Variants in RBM15 observed in about 807,000 individuals in gnomAD.
The protein encoded by RBM15 is RNA-binding protein 15.
In RBM15, 8 loss-of-function variants were observed where a neutral mutation model predicts 62.6. The ratio of observed to expected loss-of-function variants is 0.13; its 90% confidence interval spans 0.07 to 0.23. The LOEUF is 0.23. RBM15 is among the 10% of genes least tolerant of loss of function. The pLI is 1.00. For synonymous variants in RBM15, 606 were observed against 505.7 expected, an observed-to-expected ratio of 1.20 and a Z score of -2.66; for missense variants, 1,144 against 1,286.5, an observed-to-expected ratio of 0.89 and a Z score of 1.69.
In RBM15 at chr1:110,340,654, G is replaced by T. The variant is rs756709972; in HGVS notation, c.1249G>T (p.Gly417Cys). 6.2e-7 allele frequency: 1 copy of T among 1,614,046 alleles called. No individual in the cohort carries two copies. The highest frequency in any genetic ancestry group is 1.3e-5 in the African/African-American group (1 of 74,908). Reference sequence around the variant, plus strand: ...TTCTCGCGGCCAGACTAGTACTTACGGCTTTCTCAAATTTGAGAACTTAGA... The same window carrying T: ...TTCTCGCGGCCAGACTAGTACTTACTGCTTTCTCAAATTTGAGAACTTAGA... ...RPSRGQTSTY[G>C]FLKFENLDMS... The change falls in exon 1 of 3, where the codon GGC (glycine) becomes TGC (cysteine). Residue 417 changes from glycine (G) to cysteine (C), a missense_variant. Around this residue, in one of 8 missense-constraint regions of RBM15, gnomAD observed 105 missense variants for 193.6 expected, o/e 0.54. Transcript: ENST00000369784. The surrounding 1 kb of genome is among the most constrained non-coding windows in gnomAD (Gnocchi z 5.8).
At position 110,341,083 on chromosome 1, in the gene RBM15, C is replaced by A; in HGVS notation, c.1678C>A (p.Pro560Thr). The change falls in exon 1 of 3, where the codon CCT becomes ACT. Residue 560 changes from proline to threonine, a missense_variant. Pro to Thr is a conservative substitution (Grantham distance 38). Transcript: ENST00000369784. This position sits in a 1 kb window ranked among gnomAD's most constrained non-coding sequence, Gnocchi z 4.5. ...TDAFGHRAPD[P>T]LRGARDRTPP... ...TGCTTTTGGACATCGGGCACCAGACCCTTTGAGGGGTGCTCGGGATAGGAC... is the reference window on the plus strand; with the variant it reads ...TGCTTTTGGACATCGGGCACCAGACACTTTGAGGGGTGCTCGGGATAGGAC... 1 of 1,614,122 alleles carries A rather than the reference C, an allele frequency of 6.2e-7. No individual in the cohort carries two copies. Among genetic ancestry groups the A allele is most frequent in the Non-Finnish European group, 8.5e-7 (1 of 1,180,030 alleles).
In RBM15 at chr1:110,345,451, C is replaced by T. The variant is rs1660878004; in HGVS notation, c.2864-88C>T. 1.2e-5 allele frequency: 10 copies of T among 859,688 alleles called. No individual in the cohort carries two copies. In the East Asian group the frequency reaches 2.4e-4, roughly 21 times the overall value. The allele number at this position is 859,688 out of a possible 1,614,324, so 53.3% of individuals were successfully genotyped here. ...ACTCTGGTAACAGAATTAGGAAATC[C>T]TCTTGAGAAGAGGGCCTTAATGACC... On this transcript the variant is annotated intron_variant, in intron 1 of 2. Transcript: ENST00000369784.
At position 110,339,903 on chromosome 1, in the gene RBM15, C is replaced by A; in HGVS notation, c.498C>A (p.Gly166=). Residue 166 remains glycine (G), a synonymous_variant, in exon 1 of 3, where the codon GGC becomes GGA. Transcript: ENST00000369784. ...AASSAPGGGD[G]AEYKTLKISE... is the part of the protein sequence containing the mutation. ...CCTCAGCTCCCGGCGGCGGGGACGG[C>A]GCGGAATACAAGACTCTGAAGATAA... The A allele has an allele frequency of 6.2e-7, 1 of 1,606,822 alleles. No homozygotes were observed. Among genetic ancestry groups the A allele is most frequent in the African/African-American group, 1.3e-5 (1 of 74,856 alleles).
At position 110,340,221 on chromosome 1, in the gene RBM15, G is replaced by A; in HGVS notation, c.816G>A (p.Val272=). The A allele has an allele frequency of 1.2e-6, 2 of 1,614,210 alleles. No individual in the cohort carries two copies. The highest frequency in any genetic ancestry group is 2.2e-5 in the East Asian group (1 of 44,888). ...DKDTYPPSAS[V]VGASVGGHRH... is the part of the protein sequence containing the mutation. ...ATACTTATCCTCCATCAGCCAGTGT[G>A]GTCGGGGCCTCTGTAGGTGGTCACC... Residue 272 remains valine, a synonymous_variant, in exon 1 of 3, where the codon GTG becomes GTA. Transcript: ENST00000369784. This position sits in a 1 kb window ranked among gnomAD's most constrained non-coding sequence, Gnocchi z 5.8.
At chr1:110,345,766 G>A in intron 2 of RBM15, 117 bp downstream of exon 2, 1 of 656,818 alleles carries the variant, frequency 1.5e-6, no homozygotes, top group East Asian at 2.8e-5. Flanking sequence ...TTGTATGAGT[G>A]TTTTATTAAA....
In RBM15 at chr1:110,345,526, GTCTC is replaced by G. The variant is rs762760930; in HGVS notation, c.2864-8_2864-5del. On this transcript the variant is annotated splice_polypyrimidine_tract_variant and intron_variant, in intron 1 of 2. Transcript: ENST00000369784. ...AGAATTTCTGGACATTTTTTTTTCT[GTCTC>G]TCTCACAGGGTTTGGTTTTCAGATA... is the stretch of plus-strand genomic sequence containing the variant. 5 of 1,567,138 alleles carry G rather than the reference GTCTC, an allele frequency of 3.2e-6. No homozygotes were observed. Among genetic ancestry groups the G allele is most frequent in the South Asian group, 1.1e-5 (1 of 88,222 alleles).
At chr1:110,342,828 A>T (rs1421927608) in intron 1 of RBM15, 1 of 152,332 alleles carries the variant, frequency 6.6e-6, no homozygotes, top group Non-Finnish European at 1.5e-5. Context: ...GTATTTCTTA[A>T]GATACAGTTT....
In RBM15 at chr1:110,339,803, ATTC is replaced by A; in HGVS notation, c.402_404del (p.Ser135del). The A allele has an allele frequency of 6.2e-7, 1 of 1,601,094 alleles. No individual in the cohort carries two copies. Among genetic ancestry groups the A allele is most frequent in the Non-Finnish European group, 8.5e-7 (1 of 1,170,068 alleles). ...AGTTATAGCTCCCCGAGCACCAAAA[ATTC>A]TTCGGGCGGGGGCGAATCGCGCAGC... On this transcript the variant is annotated inframe_deletion, in exon 1 of 3. Transcript: ENST00000369784.
chr1:110,340,691 G>A lies in RBM15; in HGVS notation c.1286G>A (p.Arg429Gln), dbSNP rs1298721660. Residue 429 changes from arginine to glutamine, a missense_variant, in exon 1 of 3, where the codon CGG (arginine) becomes CAG (glutamine). This residue lies in a region of RBM15 where 105 missense variants were observed against 193.6 expected (regional missense o/e 0.54). Transcript: ENST00000369784. The surrounding 1 kb of genome is among the most constrained non-coding windows in gnomAD (Gnocchi z 5.8). Reference protein sequence around the residue: ...LKFENLDMSHRAKLAMSGKII... With the variant: ...LKFENLDMSHQAKLAMSGKII... ...TTTGAGAACTTAGATATGTCTCACC[G>A]GGCCAAATTAGCAATGTCTGGCAAA... 3 of 1,614,108 alleles carry A rather than the reference G, an allele frequency of 1.9e-6. No individual in the cohort carries two copies. The highest frequency in any genetic ancestry group is 2.5e-6 in the Non-Finnish European group (3 of 1,180,014).
At chr1:110,345,727 GAA>G in intron 2 of RBM15, 78 bp downstream of exon 2, 1 of 855,622 alleles carries the variant, frequency 1.2e-6, no homozygotes, top group Non-Finnish European at 1.8e-6. Flanking sequence ...TGAGATTCCT[GAA>G]GTGTTCTTTG....
In RBM15 at chr1:110,342,276, C is replaced by G. The variant is rs374557071; in HGVS notation, c.2863+8C>G. 22 of 1,552,910 alleles carry G rather than the reference C, an allele frequency of 1.4e-5. No homozygotes were observed. The African/African-American group carries it at 2.7e-4, about 19-fold the overall frequency. ...TCATGATCATTGTCCGTGGTGCGTC[C>G]TAAAGTCCATGTGTAACTTGTATTT... On this transcript the variant is annotated splice_region_variant and intron_variant, in intron 1 of 2. Coordinates refer to ENST00000369784, the MANE Select transcript of RBM15 (RefSeq NM_022768.5).
intron 2 of RBM15, among the ~76,000 whole-genome samples, 156 bp downstream of exon 2, chr1:110,345,805 A>G (rs1336660457): frequency 2.0e-5 from 3 of 152,148 alleles, no homozygotes; most frequent in Non-Finnish European, 2.9e-5. Flanking sequence ...GGTAACATAG[A>G]TGAGGGTGGA....
chr1:110,341,459 A>G lies in RBM15; in HGVS notation c.2054A>G (p.Asn685Ser). Residue 685 changes from asparagine to serine, a missense_variant, in exon 1 of 3, where the codon AAC becomes AGC. This residue lies in a region of RBM15 where 360 missense variants were observed against 342.9 expected (regional missense o/e 1.05). Coordinates refer to ENST00000369784, the MANE Select transcript of RBM15 (RefSeq NM_022768.5). The surrounding 1 kb of genome is among the most constrained non-coding windows in gnomAD (Gnocchi z 4.5). The stretch of plus-strand genomic sequence containing the variant: ...TTGAGCAGTAGCCGGGATCGTTACA[A>G]CAGCGACAATGATCGATCTTCCCGT... ...PELSSSRDRY[N>S]SDNDRSSRLL... The G allele has an allele frequency of 6.2e-7, 1 of 1,614,158 alleles. No individual in the cohort carries two copies. The highest frequency in any genetic ancestry group is 1.3e-5 in the African/African-American group (1 of 75,026).
In RBM15 at chr1:110,341,692, C is replaced by T; in HGVS notation, c.2287C>T (p.Leu763=). 1 of 1,614,192 alleles carries T rather than the reference C, an allele frequency of 6.2e-7. No homozygotes were observed. The highest frequency in any genetic ancestry group is 1.1e-5 in the South Asian group (1 of 91,082). Residue 763 remains leucine (L), a synonymous_variant, in exon 1 of 3, where the codon CTG becomes TTG. Coordinates refer to ENST00000369784, the MANE Select transcript of RBM15 (RefSeq NM_022768.5). The surrounding 1 kb of genome is among the most constrained non-coding windows in gnomAD (Gnocchi z 4.5). ...TAGCACCAGCACTGCTTCCTCCAAG[C>T]TGAAGTCCCCGTCCCAGAAACAGGA... ...APSTSTASSK[L]KSPSQKQDGG...
At position 110,341,320 on chromosome 1, in the gene RBM15, C is replaced by G. The variant is rs780398163; in HGVS notation, c.1915C>G (p.Pro639Ala). 4.3e-6 allele frequency: 7 copies of G among 1,613,994 alleles called. No individual in the cohort carries two copies. The highest frequency in any genetic ancestry group is 2.2e-5 in the South Asian group (2 of 91,086). Residue 639 changes from proline to alanine, a missense_variant, in exon 1 of 3, where the codon CCT (proline) becomes GCT (alanine). This residue lies in a region of RBM15 where 360 missense variants were observed against 342.9 expected (regional missense o/e 1.05). Transcript: ENST00000369784. This position sits in a 1 kb window ranked among gnomAD's most constrained non-coding sequence, Gnocchi z 4.5. ...AGATCTGCCCAGCAGCAGAGACCAG[C>G]CTAGGAAGCGAAGGCTGCCTGAGGA... is the stretch of plus-strand genomic sequence containing the variant. ...DRDLPSSRDQPRKRRLPEESG... is the reference protein window; with the variant it reads ...DRDLPSSRDQARKRRLPEESG...
chr1:110,344,337 C>T (rs1052685195), intron 1 of RBM15, among the ~76,000 whole-genome samples: 8 of 152,116 alleles, frequency 5.3e-5, no homozygotes, highest in Admixed American at 2.6e-4. Context: ...GAGTGAAGTC[C>T]ATGACATCTA....
rs781193186 is a variant in RBM15 at position 110,341,570 on chromosome 1, C to T, written c.2165C>T (p.Ser722Phe). ...SQGDKRDRKN[S>F]ASAERDRKHR... is the part of the protein sequence containing the mutation. The stretch of plus-strand genomic sequence containing the variant: ...GGTGACAAGCGAGACCGTAAAAACT[C>T]TGCATCAGCTGAACGAGATAGGAAG... The change falls in exon 1 of 3, where the codon TCT becomes TTT. Residue 722 changes from serine to phenylalanine, a missense_variant. By Grantham distance (155) the Ser-to-Phe change is radical. Coordinates refer to ENST00000369784, the MANE Select transcript of RBM15 (RefSeq NM_022768.5). The surrounding 1 kb of genome is among the most constrained non-coding windows in gnomAD (Gnocchi z 4.5). The T allele has an allele frequency of 1.2e-6, 2 of 1,614,158 alleles. No homozygotes were observed. Among genetic ancestry groups the T allele is most frequent in the South Asian group, 2.2e-5 (2 of 91,082 alleles).
At position 110,345,559 on chromosome 1, in the gene RBM15, G is replaced by A. The variant is rs1394707142; in HGVS notation, c.2884G>A (p.Val962Ile). 1 of 1,611,322 alleles carries A rather than the reference G, an allele frequency of 6.2e-7. No individual in the cohort carries two copies. Among genetic ancestry groups the A allele is most frequent in the Admixed American group, 1.7e-5 (1 of 59,672 alleles). ...CACAGGGTTTGGTTTTCAGATAGGA[G>A]TTAGGTATGAGAACAAGAAGAGAGA... ...IVRGFGFQIG[V>I]RYENKKRENL... The change falls in exon 2 of 3, where the codon GTT (valine) becomes ATT (isoleucine). Residue 962 changes from valine to isoleucine, a missense_variant. Val to Ile is a conservative substitution (Grantham distance 29). Transcript: ENST00000369784.
chr1:110,342,541 T>C (rs1426363318), intron 1 of RBM15: 1 of 386,396 alleles, frequency 2.6e-6, no homozygotes, highest in Non-Finnish European at 4.6e-6. Context: ...TTCCCACCCT[T>C]ATGAGTAATT....
Sources: gnomAD v4.1 joint callset for allele counts (sites outside exome capture counted in the v4.1 genomes callset) on GRCh38, gnomAD v4.1.1 for gene constraint, gnomAD v4.1.1 regional missense constraint, Gnocchi (gnomAD v3.1) non-coding constraint, MANE v1.5 for transcripts, NCBI Gene and HGNC (gene_info 2026-07-23, HGNC 2026-07-21) for gene names.